MICU3: variants seen among roughly 807,000 people sequenced by gnomAD.
MICU3 encodes the protein calcium uptake protein 3, mitochondrial.
Under a neutral mutation model 66.5 loss-of-function variants are expected in MICU3, and 62 were observed. The ratio of observed to expected loss-of-function variants is 0.93; its 90% CI spans 0.76 to 1.15. MICU3 has a LOEUF of 1.15. MICU3 is among the 50% of genes most tolerant of loss of function. MICU3 has a pLI of 0.00. For missense variants in MICU3, 779 were observed against 664.4 expected (o/e 1.17, Z -1.90); for synonymous variants, 308 against 240.7 (o/e 1.28, Z -2.59).
chr8:17,118,188 C>G (rs2959600), intron 13 of MICU3, among the ~76,000 whole-genome samples: 1 of 151,948 alleles, frequency 6.6e-6, no homozygotes, highest in East Asian at 1.9e-4. Flanking sequence ...TGCCACTGTA[C>G]TGCTCTCTTA....
chr8:17,065,263 A>G (rs1054257209), intron 2 of MICU3, among the ~76,000 whole-genome samples: 1 of 152,200 alleles, frequency 6.6e-6, no homozygotes, highest in African/African-American at 2.4e-5. Flanking sequence ...TATGGCAAAA[A>G]TGAACCTTAA....
Position 17,122,567 on chromosome 8 carries a change from T to C in MICU3, c.*2280T>C, listed in dbSNP as rs546941930. 98 of 152,132 alleles carry C rather than the reference T, an allele frequency of 6.4e-4. No homozygotes were observed. Among genetic ancestry groups the C allele is most frequent in the African/African-American group, 2.3e-3 (97 of 41,580 alleles). 9.4% of individuals were successfully genotyped at this position (152,132 alleles called of 1,614,324 possible). ...CTTAAGTTCCAACTTACTGTTCTTA[T>C]TATAAATTGCAAAGCAACCTGTCTT... On this transcript the variant is annotated 3_prime_UTR_variant, in exon 15 of 15. Coordinates refer to ENST00000318063, the MANE Select transcript of MICU3 (RefSeq NM_181723.3).
At chr8:17,112,570 CAAAA>C (rs1335875891) in intron 11 of MICU3, among the ~76,000 whole-genome samples, 1 of 152,144 alleles carries the variant, frequency 6.6e-6, no homozygotes, top group Non-Finnish European at 1.5e-5. Context: ...TTAATCTACA[CAAAA>C]GAATGATTGT....
chr8:17,114,924 C>G (rs1000702663), intron 12 of MICU3, among the ~76,000 whole-genome samples: 1 of 151,794 alleles, frequency 6.6e-6, no homozygotes, highest in African/African-American at 2.4e-5. Context: ...TCGAGACCAT[C>G]CCGGCTAAAA....
chr8:17,106,347 GAAA>G (rs774052403), intron 11 of MICU3, among the ~76,000 whole-genome samples: 1 of 134,622 alleles, frequency 7.4e-6, no homozygotes. Context: ...CCTAAGGAAT[GAAA>G]AAAAAAAAAA....
At chr8:17,137,733 T>C in the MICU3 span, among the ~76,000 whole-genome samples, 1 of 136,296 alleles carries the variant, frequency 7.3e-6, no homozygotes, top group Non-Finnish European at 1.6e-5. Context: ...TTTTTTTTTT[T>C]TTGAGACAGA....
At chr8:17,059,424 A>G (rs1470773378) in intron 1 of MICU3, among the ~76,000 whole-genome samples, 3 of 152,210 alleles carry the variant, frequency 2.0e-5, no homozygotes, top group Non-Finnish European at 2.9e-5. Flanking sequence ...ATTCATTAGA[A>G]GCATTCTCTT....
intron 7 of MICU3, among the ~76,000 whole-genome samples, chr8:17,089,947 G>A (rs2517045): frequency 1.3e-5 from 2 of 152,012 alleles, no homozygotes; most frequent in African/African-American, 4.8e-5. Flanking sequence ...CTGTGATTCA[G>A]AAGGGAAAAG....
At chr8:17,098,198 G>T (rs1387591903) in intron 8 of MICU3, among the ~76,000 whole-genome samples, 6 of 151,636 alleles carry the variant, frequency 4.0e-5, no homozygotes, top group Non-Finnish European at 8.9e-5. Context: ...CAGAAGGAGA[G>T]ATCGGAGAAT....
intron 1 of MICU3, among the ~76,000 whole-genome samples, chr8:17,031,329 T>C (rs61183673): frequency 0.3 from 44,954 of 150,066 alleles, 7,845 homozygotes; most frequent in East Asian, 0.61. Context: ...GCTCTATCGC[T>C]CAGGCTGGAC....
chr8:17,076,160 T>C (rs1820357593), intron 3 of MICU3, among the ~76,000 whole-genome samples: 1 of 152,016 alleles, frequency 6.6e-6, no homozygotes, highest in Non-Finnish European at 1.5e-5. Context: ...CTGAGTAAGC[T>C]GGGACTATAG....
chr8:17,114,634 C>G (rs2150833463), intron 12 of MICU3, among the ~76,000 whole-genome samples: 1 of 152,244 alleles, frequency 6.6e-6, no homozygotes, highest in Admixed American at 6.5e-5. Context: ...TGCTGGTGTC[C>G]TCAGAGCCAG....
At chr8:17,028,628 C>G (rs1811457694) in intron 1 of MICU3, among the ~76,000 whole-genome samples, 1 of 152,210 alleles carries the variant, frequency 6.6e-6, no homozygotes, top group South Asian at 2.1e-4. Flanking sequence ...CAGTGGTGAT[C>G]TGATGTAAGT....
chr8:17,137,081 C>G, the MICU3 span, among the ~76,000 whole-genome samples: 1 of 151,990 alleles, frequency 6.6e-6, no homozygotes, highest in African/African-American at 2.4e-5. Context: ...GATCGGCCTC[C>G]CAAAGTGCTG....
At chr8:17,069,609 G>A in intron 2 of MICU3, 79 bp from the exon 3 acceptor site, 3 of 882,062 alleles carry the variant, frequency 3.4e-6, no homozygotes, top group Non-Finnish European at 5.1e-6. Context: ...ATGAGTTATG[G>A]TTGTAGATGG....
downstream of MICU3, among the ~76,000 whole-genome samples, chr8:17,123,182 A>G (rs10103574): frequency 0.069 from 10,447 of 152,164 alleles, 1,248 homozygotes; most frequent in African/African-American, 0.24. Context: ...TCATAAAATA[A>G]TGGTACACCT....
intron 4 of MICU3, among the ~76,000 whole-genome samples, chr8:17,079,354 CG>C (rs2150713920): frequency 6.6e-6 from 1 of 152,066 alleles, no homozygotes; most frequent in South Asian, 2.1e-4. Flanking sequence ...TAGTACAATG[CG>C]TATCTGTATC....
chr8:17,051,848 G>T (rs1193969367), intron 1 of MICU3, among the ~76,000 whole-genome samples: 1 of 152,100 alleles, frequency 6.6e-6, no homozygotes, highest in African/African-American at 2.4e-5. Flanking sequence ...TGCTGTAAAG[G>T]GAAGGAGAAA....
chr8:17,128,229 TACACACACACAC>T, the MICU3 span, among the ~76,000 whole-genome samples: 1,322 of 144,536 alleles, frequency 9.1e-3, 16 homozygotes, highest in African/African-American at 0.028. Flanking sequence ...GAGATCAGTG[TACACACACACAC>T]ACACACACAC....
Sources: allele counts gnomAD v4.1 joint callset (sites outside exome capture counted in the v4.1 genomes callset), GRCh38; gene constraint gnomAD v4.1.1; transcripts MANE v1.5; gene names NCBI Gene and HGNC (gene_info 2026-07-23, HGNC 2026-07-21).